Variants in RTN1 observed in about 807,000 individuals in gnomAD.
RTN1 encodes the protein reticulon 1.
Under a neutral mutation model 65.5 loss-of-function variants are expected in RTN1, and 25 were observed. That is an observed-to-expected ratio of 0.38 (90% CI 0.28 to 0.53). RTN1 has a LOEUF of 0.53. Ranked by LOEUF, RTN1 falls within the 20% of genes least tolerant of loss-of-function variation. RTN1 has a pLI of 0.79. For missense variants in RTN1, 983 were observed against 1,025.4 expected (o/e 0.96, Z 0.57); for synonymous variants, 471 against 447.6 (o/e 1.05, Z -0.66).
At chr14:59,698,200 A>C (rs1884103726) in intron 3 of RTN1, among the ~76,000 whole-genome samples, 1 of 152,188 alleles carries the variant, frequency 6.6e-6, no homozygotes. Flanking sequence ...AATGTTCATA[A>C]GATTTTTAAA....
intron 3 of RTN1, among the ~76,000 whole-genome samples, chr14:59,709,655 T>C (rs1884374187): frequency 6.6e-6 from 1 of 152,268 alleles, no homozygotes; most frequent in Non-Finnish European, 1.5e-5. Flanking sequence ...CGCCTGCCTA[T>C]GGGGGTCCAG....
chr14:59,736,663 C>T (rs1885007626), intron 2 of RTN1, among the ~76,000 whole-genome samples: 1 of 152,118 alleles, frequency 6.6e-6, no homozygotes, highest in Non-Finnish European at 1.5e-5. Context: ...GGGACTCCTC[C>T]CTAACTCATT....
At chr14:59,669,283 G>T (rs916649271) in intron 3 of RTN1, among the ~76,000 whole-genome samples, 2 of 152,128 alleles carry the variant, frequency 1.3e-5, no homozygotes, top group African/African-American at 4.8e-5. Flanking sequence ...CCATAAAAAA[G>T]GATGGGTTCA....
In RTN1 at chr14:59,605,435, T is replaced by C. The variant is rs1285443027; in HGVS notation, c.2045A>G (p.Tyr682Cys). Residue 682 changes from tyrosine (Y) to cysteine (C), a missense_variant, in exon 5 of 9, where the codon TAC becomes TGC. By Grantham distance (194) the Tyr-to-Cys change is radical (BLOSUM62 -2). This residue lies in a region of RTN1 where 165 missense variants were observed against 223.6 expected (regional missense o/e 0.74). Transcript: ENST00000267484. ...CAGTTCCTTAAGTGTGCTGTTCACG[T>C]AGAACTGCAGGCAGTCCGTGTACTT... is the stretch of plus-strand genomic sequence containing the variant. ...IQKYTDCLQF[Y>C]VNSTLKELRR... The C allele has an allele frequency of 4.3e-6, 7 of 1,614,026 alleles. No homozygotes were observed. The highest frequency in any genetic ancestry group is 5.1e-6 in the Non-Finnish European group (6 of 1,179,868).
Position 59,749,248 on chromosome 14 carries a change from C to CTATATA in RTN1, c.242-2773_242-2768dup, listed in dbSNP as rs1228908668. Among the ~76,000 whole-genome samples the CTATATA allele has an allele frequency of 1.6e-4, 5 of 32,062 alleles. 1 individual carries two copies. Among genetic ancestry groups the CTATATA allele is most frequent in the African/African-American group, 2.1e-4 (1 of 4,682 alleles). 21.0% of individuals were successfully genotyped at this position (32,062 alleles called of 152,430 possible). A position where few individuals can be genotyped will look rare whatever the true frequency, so the allele number is the denominator to read the frequency against. On this transcript the variant is annotated intron_variant, in intron 1 of 8. Coordinates refer to ENST00000267484, the MANE Select transcript of RTN1 (RefSeq NM_021136.3). ...TATATCTATATATATCTATATATAT[C>CTATATA]TATATATCTATATATATCTATATAT... is the stretch of plus-strand genomic sequence containing the variant.
At chr14:59,682,017 A>T (rs926295302) in intron 3 of RTN1, among the ~76,000 whole-genome samples, 2 of 152,164 alleles carry the variant, frequency 1.3e-5, no homozygotes, top group South Asian at 4.1e-4. Context: ...TTCTAAACAT[A>T]AATCTGATCA....
chr14:59,641,640 G>C (rs1040604229), intron 3 of RTN1, among the ~76,000 whole-genome samples: 5 of 152,150 alleles, frequency 3.3e-5, no homozygotes, highest in Non-Finnish European at 5.9e-5. Context: ...CAAAGTGCTG[G>C]GATTACAGGC....
rs557339684 is a variant in RTN1, at chr14:59,790,981, C to T, written c.242-44500G>A. Among the ~76,000 whole-genome samples, 4 of 152,164 alleles carry T rather than the reference C, an allele frequency of 2.6e-5. No individual in the cohort carries two copies. The South Asian group carries it at 8.3e-4, about 32-fold the overall frequency. On this transcript the variant is annotated intron_variant, in intron 1 of 8. Transcript: ENST00000267484. This position sits in a 1 kb window ranked among gnomAD's most constrained non-coding sequence, Gnocchi z 4.1. ...CTTTGGTAGCAATATCATTTTGGCC[C>T]TCAATTCATTTCTTTAGCTCTGGCA... is the stretch of plus-strand genomic sequence containing the variant.
At chr14:59,738,306 GA>G (rs913330920) in intron 2 of RTN1, among the ~76,000 whole-genome samples, 1 of 151,366 alleles carries the variant, frequency 6.6e-6, no homozygotes, top group Non-Finnish European at 1.5e-5. Flanking sequence ...CAATTTACAA[GA>G]AAAAAAATAA....
At chr14:59,748,974 G>C (rs1389276094) in intron 1 of RTN1, among the ~76,000 whole-genome samples, 1 of 151,118 alleles carries the variant, frequency 6.6e-6, no homozygotes, top group Non-Finnish European at 1.5e-5. Flanking sequence ...ATTTTTAATA[G>C]AGACAGGGTT....
chr14:59,650,667 A>G (rs1386139183), intron 3 of RTN1, among the ~76,000 whole-genome samples: 1 of 152,218 alleles, frequency 6.6e-6, no homozygotes, highest in Admixed American at 6.5e-5. Context: ...GTTGCCACAA[A>G]AAGAATAAAA....
chr14:59,748,418 C>T (rs1885275317), intron 1 of RTN1, among the ~76,000 whole-genome samples: 2 of 151,852 alleles, frequency 1.3e-5, no homozygotes, highest in South Asian at 4.2e-4. Flanking sequence ...CTCTCTTCTC[C>T]TAGATACCTA....
Position 59,870,434 on chromosome 14 carries a change from C to T in RTN1, c.197G>A (p.Gly66Asp). The change falls in exon 1 of 9, where the codon GGC becomes GAC. Residue 66 changes from glycine to aspartate, a missense_variant. Gly to Asp is a moderately conservative substitution (Grantham distance 94). Coordinates refer to ENST00000267484, the MANE Select transcript of RTN1 (RefSeq NM_021136.3). The surrounding 1 kb of genome is among the most constrained non-coding windows in gnomAD (Gnocchi z 5.1). ...REAASREAGSGPARQSPVAME... is the reference protein window; with the variant it reads ...REAASREAGSDPARQSPVAME... ...GGCAACGGGCGACTGCCGGGCGGGG[C>T]CCGAGCCGGCTTCCCGCGACGCCGC... The T allele has an allele frequency of 1.3e-6, 2 of 1,518,774 alleles. No individual in the cohort carries two copies. Among genetic ancestry groups the T allele is most frequent in the Non-Finnish European group, 1.7e-6 (2 of 1,145,108 alleles). 94.1% of individuals were successfully genotyped at this position (1,518,774 alleles called of 1,614,324 possible). A position where few individuals can be genotyped will look rare whatever the true frequency, so the allele number is the denominator to read the frequency against.
At chr14:59,639,759 A>G (rs1268871722) in intron 3 of RTN1, among the ~76,000 whole-genome samples, 1 of 152,184 alleles carries the variant, frequency 6.6e-6, no homozygotes, top group Non-Finnish European at 1.5e-5. Context: ...GAATTTTATC[A>G]AATACTTTTT....
chr14:59,817,724 T>C (rs990129377), intron 1 of RTN1, among the ~76,000 whole-genome samples: 8 of 152,160 alleles, frequency 5.3e-5, no homozygotes, highest in African/African-American at 1.9e-4. Context: ...GCCACCCTAG[T>C]GTCCTGCCAT....
chr14:59,788,379 C>G (rs924967295), intron 1 of RTN1, among the ~76,000 whole-genome samples: 1 of 152,180 alleles, frequency 6.6e-6, no homozygotes, highest in South Asian at 2.1e-4. Flanking sequence ...TTGGCCAACA[C>G]TGAGAATTAG....
intron 3 of RTN1, among the ~76,000 whole-genome samples, chr14:59,655,900 G>C (rs1883113709): frequency 6.6e-6 from 1 of 152,066 alleles, no homozygotes; most frequent in African/African-American, 2.4e-5. Context: ...GAAAACAAAG[G>C]CATAATCTTC....
intron 1 of RTN1, among the ~76,000 whole-genome samples, chr14:59,796,199 A>C (rs892172375): frequency 1.3e-5 from 2 of 152,166 alleles, no homozygotes; most frequent in Non-Finnish European, 2.9e-5. Context: ...ACAGTATTCA[A>C]TACAGTAACA....
chr14:59,616,505 A>G (rs946917740), intron 3 of RTN1, among the ~76,000 whole-genome samples: 13 of 152,332 alleles, frequency 8.5e-5, no homozygotes, highest in African/African-American at 2.4e-4. Context: ...ACTAAGTGGC[A>G]TTTGGTTTAC....
Sources: gnomAD v4.1 joint callset for allele counts (sites outside exome capture counted in the v4.1 genomes callset) on GRCh38, gnomAD v4.1.1 for gene constraint, gnomAD v4.1.1 regional missense constraint, Gnocchi (gnomAD v3.1) non-coding constraint, MANE v1.5 for transcripts, NCBI Gene and HGNC (gene_info 2026-07-23, HGNC 2026-07-21) for gene names.